The following RESF1 variants were observed in gnomAD, a reference collection of about 807,000 sequenced individuals.
RESF1 encodes gonad expressed transcript.
In RESF1, 65 loss-of-function variants were observed where a neutral mutation model predicts 134.7. The ratio of observed to expected loss-of-function variants is 0.48; its 90% CI spans 0.40 to 0.59. RESF1 has a LOEUF of 0.59. Among genes scored for constraint, RESF1 ranks in the 20% least tolerant of loss-of-function variants. The pLI, the probability that RESF1 is intolerant of heterozygous loss-of-function variation, is 0.00. For synonymous variants in RESF1, 762 were observed against 702.2 expected, an observed-to-expected ratio of 1.09 and a Z score of -1.35; for missense variants, 2,274 against 2,002.7, an observed-to-expected ratio of 1.14 and a Z score of -2.59.
chr12:31,966,327 G>T (rs1939396536), intron 2 of RESF1, among the ~76,000 whole-genome samples: 1 of 152,210 alleles, frequency 6.6e-6, no homozygotes, highest in Admixed American at 6.5e-5. Flanking sequence ...GCTCCGAAAT[G>T]AATTACTTGG....
At chr12:31,973,501 C>G (rs1939560394) in intron 3 of RESF1, among the ~76,000 whole-genome samples, 1 of 150,118 alleles carries the variant, frequency 6.7e-6, no homozygotes, top group Non-Finnish European at 1.5e-5. Context: ...GCATCTGCCA[C>G]TCTACTGCCA....
At position 31,985,800 on chromosome 12, in the gene RESF1, T is replaced by C. The variant is rs1194172991; in HGVS notation, c.4845T>C (p.Asn1615=). The C allele has an allele frequency of 6.4e-7, 1 of 1,565,794 alleles. No individual in the cohort carries two copies. Residue 1615 remains asparagine, a synonymous_variant, in exon 4 of 6, where the codon AAT becomes AAC. Coordinates refer to ENST00000312561, the MANE Select transcript of RESF1 (RefSeq NM_018169.4). Reference sequence around the variant, plus strand: ...TTCATAAAGATAAGAGACAGGAAAATAAACATAAGACCTTTTTACCGGTGA... The same window carrying C: ...TTCATAAAGATAAGAGACAGGAAAACAAACATAAGACCTTTTTACCGGTGA... ...RKLHKDKRQE[N]KHKTFLPVKG...
At chr12:31,977,545 C>A (rs968993460) in intron 3 of RESF1, among the ~76,000 whole-genome samples, 1 of 152,140 alleles carries the variant, frequency 6.6e-6, no homozygotes, top group East Asian at 1.9e-4. Flanking sequence ...GTATATGTCT[C>A]TTGCTGTGTA....
chr12:31,990,394 G>GA (rs971440463), intron 5 of RESF1, among the ~76,000 whole-genome samples: 9 of 152,042 alleles, frequency 5.9e-5, no homozygotes. Flanking sequence ...TAAGGGAGGA[G>GA]AAAAAAATCT....
chr12:31,977,801 CTTTTT>C (rs3075963), intron 3 of RESF1, among the ~76,000 whole-genome samples: 1 of 124,396 alleles, frequency 8.0e-6, no homozygotes, highest in Admixed American at 8.9e-5. Context: ...TTCTTTCTTT[CTTTTT>C]TTTTTTTTTT....
chr12:31,962,656 G>A (rs1939301980), intron 2 of RESF1: 1 of 152,134 alleles, frequency 6.6e-6, no homozygotes, highest in African/African-American at 2.4e-5. Flanking sequence ...AAATTACAAG[G>A]TTTCATTTGT....
rs150432224 is a variant in RESF1, at chr12:31,981,879, T to G, written c.924T>G (p.Ser308Arg). ...ACTTGTCTATGGAAGTTCCTCAGAGTCGAGAAATGCTGTCATCTGAAATAA... is the reference window on the plus strand; with the variant it reads ...ACTTGTCTATGGAAGTTCCTCAGAGGCGAGAAATGCTGTCATCTGAAATAA... ...TKHLSMEVPQSREMLSSEIRT... is the reference protein window; with the variant it reads ...TKHLSMEVPQRREMLSSEIRT... Residue 308 changes from serine to arginine, a missense_variant, in exon 4 of 6, where the codon AGT becomes AGG. By Grantham distance (110) the Ser-to-Arg change is moderately radical. Coordinates refer to ENST00000312561, the MANE Select transcript of RESF1 (RefSeq NM_018169.4). 480 of 1,614,038 alleles carry G rather than the reference T, an allele frequency of 3.0e-4. 3 individuals are homozygous for G. In the African/African-American group the frequency reaches 5.7e-3, roughly 19 times the overall value.
At chr12:31,963,577 A>G (rs1477049893) in intron 2 of RESF1, among the ~76,000 whole-genome samples, 1 of 152,204 alleles carries the variant, frequency 6.6e-6, no homozygotes, top group Non-Finnish European at 1.5e-5. Context: ...GATAAAATTC[A>G]TAAGCCATTT....
chr12:31,959,963 C>A (rs74511546), intron 1 of RESF1: 1 of 144,588 alleles, frequency 6.9e-6, no homozygotes, highest in Non-Finnish European at 1.5e-5. Flanking sequence ...AAAGAAAAAT[C>A]TTTTTTTTTT....
Position 31,982,014 on chromosome 12 carries a change from C to T in RESF1, c.1059C>T (p.Pro353=), listed in dbSNP as rs1303097432. The T allele has an allele frequency of 1.9e-6, 3 of 1,613,960 alleles. No individual in the cohort carries two copies. Among genetic ancestry groups the T allele is most frequent in the Admixed American group, 1.7e-5 (1 of 60,000 alleles). ...ACAGCAAACAGCCTTTTAACAGTCC[C>T]ATTAGATCTTCTGTGGATGGTGTTC... The part of the protein sequence containing the change: ...NTNSKQPFNS[P]IRSSVDGVQT... Residue 353 remains proline, a synonymous_variant, in exon 4 of 6, where the codon CCC becomes CCT. Transcript: ENST00000312561.
intron 4 of RESF1, 127 bp from the exon 5 acceptor site, chr12:31,987,112 T>G: frequency 1.7e-6 from 1 of 591,238 alleles, no homozygotes; most frequent in Non-Finnish European, 3.0e-6. Context: ...TTTTTAGAGT[T>G]GTGTTACATG....
intron 3 of RESF1, among the ~76,000 whole-genome samples, chr12:31,978,194 C>T (rs1348674867): frequency 1.3e-5 from 2 of 152,018 alleles, no homozygotes; most frequent in Non-Finnish European, 2.9e-5. Context: ...AGAGATGTGA[C>T]ACATCCTTCA....
intron 3 of RESF1, among the ~76,000 whole-genome samples, chr12:31,977,707 A>G (rs1254834358): frequency 6.6e-6 from 1 of 151,730 alleles, no homozygotes; most frequent in Non-Finnish European, 1.5e-5. Context: ...CTTGTTTTGC[A>G]TTTCCATGGA....
intron 3 of RESF1, among the ~76,000 whole-genome samples, chr12:31,974,367 G>A (rs1939583352): frequency 6.6e-6 from 1 of 151,964 alleles, no homozygotes; most frequent in Non-Finnish European, 1.5e-5. Flanking sequence ...TTCTTATCGT[G>A]GGCTACTATG....
Position 31,970,308 on chromosome 12 carries a change from T to C in RESF1, c.-127T>C, listed in dbSNP as rs1427846308. The C allele has an allele frequency of 6.6e-6, 1 of 152,248 alleles. No individual in the cohort carries two copies. The highest frequency in any genetic ancestry group is 1.9e-4 in the East Asian group (1 of 5,200). 9.4% of individuals were successfully genotyped at this position (152,248 alleles called of 1,614,324 possible). A position where few individuals can be genotyped will look rare whatever the true frequency, so the allele number is the denominator to read the frequency against. On this transcript the variant is annotated 5_prime_UTR_variant, in exon 3 of 6. Coordinates refer to ENST00000312561, the MANE Select transcript of RESF1 (RefSeq NM_018169.4). ...CTGCAAAAGAAGAGAAGCAGAATTA[T>C]ACCTAGAAGTCTACTAATGGACAGT...
At chr12:31,971,265 C>T (rs1348590718) in intron 3 of RESF1, among the ~76,000 whole-genome samples, 1 of 152,210 alleles carries the variant, frequency 6.6e-6, no homozygotes, top group East Asian at 1.9e-4. Flanking sequence ...GCCTCATCCT[C>T]CCAGGTAGCA....
Position 31,960,876 on chromosome 12 carries a change from GTGTATC to G in RESF1, c.-247+6_-247+11del, listed in dbSNP as rs1939249616. ...AGAGTAAAGTTGTGCTCAACGGTAA[GTGTATC>G]ACCTCTAAGAAACCCGCCCTGATTT... On this transcript the variant is annotated splice_donor_region_variant and intron_variant, in intron 2 of 5. Coordinates refer to ENST00000312561, the MANE Select transcript of RESF1 (RefSeq NM_018169.4). 1 of 152,222 alleles carries G rather than the reference GTGTATC, an allele frequency of 6.6e-6. No homozygotes were observed. The allele number at this position is 152,222 out of a possible 1,614,324, so 9.4% of individuals were successfully genotyped here.
chr12:31,963,542 C>T lies in RESF1; in HGVS notation c.-247+2671C>T, dbSNP rs114165962. 8.0e-4 allele frequency among the ~76,000 whole-genome samples: 122 copies of T among 152,286 alleles called. 1 individual carries two copies. The highest frequency in any genetic ancestry group is 2.9e-3 in the African/African-American group (122 of 41,542). ...GCAAGCAGCTTCAAGTTGTTCAGAGCATGCCTTTTGTAACTATAGTTAGAG... is the reference window on the plus strand; with the variant it reads ...GCAAGCAGCTTCAAGTTGTTCAGAGTATGCCTTTTGTAACTATAGTTAGAG... On this transcript the variant is annotated intron_variant, in intron 2 of 5. Transcript: ENST00000312561.
At chr12:31,987,366 T>C in intron 5 of RESF1, 44 bp downstream of exon 5, 1 of 1,055,074 alleles carries the variant, frequency 9.5e-7, no homozygotes, top group Non-Finnish European at 1.5e-6. Flanking sequence ...TCTCCCTATC[T>C]GGTATATGGA....
Sources: allele counts gnomAD v4.1 joint callset (sites outside exome capture counted in the v4.1 genomes callset), GRCh38; gene constraint gnomAD v4.1.1; transcripts MANE v1.5; gene names NCBI Gene and HGNC (gene_info 2026-07-23, HGNC 2026-07-21).